Variants in NMNAT2 observed in about 807,000 individuals in gnomAD.
The protein encoded by NMNAT2 is nicotinamide nucleotide adenylyltransferase 2, also known as nicotinamide/nicotinic acid mononucleotide adenylyltransferase 2.
A neutral mutation model predicts 41.6 loss-of-function variants in NMNAT2; 11 were observed. That is an observed-to-expected ratio of 0.26 (90% CI 0.17 to 0.44). NMNAT2 has a LOEUF of 0.44. NMNAT2 is among the 20% of genes least tolerant of loss of function. The pLI, the probability that NMNAT2 is intolerant of heterozygous loss-of-function variation, is 1.00. For missense variants in NMNAT2, 288 were observed against 407.7 expected (o/e 0.71, Z 2.53); for synonymous variants, 148 against 151.2 (o/e 0.98, Z 0.16).
intron 1 of NMNAT2, among the ~76,000 whole-genome samples, chr1:183,354,610 T>A (rs896694282): frequency 6.6e-6 from 1 of 151,962 alleles, no homozygotes; most frequent in Admixed American, 6.6e-5. Context: ...AGAGACAGGG[T>A]CTCACCATGT....
At chr1:183,416,031 G>A (rs773937787) in intron 1 of NMNAT2, among the ~76,000 whole-genome samples, 16 of 152,094 alleles carry the variant, frequency 1.1e-4, no homozygotes, top group Non-Finnish European at 1.6e-4. Context: ...AATCGTTACT[G>A]CCAAAAGTCT....
At chr1:183,329,904 G>C (rs2102337775) in intron 1 of NMNAT2, among the ~76,000 whole-genome samples, 1 of 152,328 alleles carries the variant, frequency 6.6e-6, no homozygotes, top group South Asian at 2.1e-4. Flanking sequence ...CACCCAGCCA[G>C]ATAGCGGCAC....
intron 1 of NMNAT2, among the ~76,000 whole-genome samples, chr1:183,313,388 G>A (rs186954823): frequency 6.6e-6 from 1 of 152,066 alleles, no homozygotes; most frequent in East Asian, 1.9e-4. Context: ...TGGATAACTG[G>A]GTATTTGGTT....
At chr1:183,400,232 C>T (rs375591388) in intron 1 of NMNAT2, among the ~76,000 whole-genome samples, 1 of 152,082 alleles carries the variant, frequency 6.6e-6, no homozygotes, top group Admixed American at 6.6e-5. Context: ...ATACAAAATC[C>T]ATGTGCAAAA....
At chr1:183,343,482 G>A (rs1047868454) in intron 1 of NMNAT2, among the ~76,000 whole-genome samples, 1 of 152,102 alleles carries the variant, frequency 6.6e-6, no homozygotes, top group Non-Finnish European at 1.5e-5. Flanking sequence ...CAACTTTTAA[G>A]TTCTATGTTT....
At chr1:183,276,585 T>G (rs138826766) in intron 8 of NMNAT2, among the ~76,000 whole-genome samples, 1 of 152,178 alleles carries the variant, frequency 6.6e-6, no homozygotes, top group Non-Finnish European at 1.5e-5. Context: ...TCCTCACCCA[T>G]CACACTTAGT....
At position 183,364,740 on chromosome 1, in the gene NMNAT2, A is replaced by G. The variant is rs535362591; in HGVS notation, c.85+53443T>C. ...GGAGTCTCACACCGTCTCCCAGGCT[A>G]GAGTGCAGTGGCACGATCTTGGCTC... On this transcript the variant is annotated intron_variant, in intron 1 of 10. Coordinates refer to ENST00000287713, the MANE Select transcript of NMNAT2 (RefSeq NM_015039.4). Among the ~76,000 whole-genome samples, 59 of 134,236 alleles carry G rather than the reference A, an allele frequency of 4.4e-4. 2 individuals carry two copies. In the East Asian group the frequency reaches 0.013, roughly 29 times the overall value. 88.1% of individuals were successfully genotyped at this position (134,236 alleles called of 152,430 possible).
rs542073635 is a variant in NMNAT2 at position 183,343,816 on chromosome 1, C to T, written c.86-50023G>A. Among the ~76,000 whole-genome samples the T allele has an allele frequency of 7.9e-5, 12 of 152,258 alleles. 1 individual carries two copies. The highest frequency in any genetic ancestry group is 4.2e-4 in the South Asian group (2 of 4,816). On this transcript the variant is annotated intron_variant, in intron 1 of 10. Transcript: ENST00000287713. ...AATATTCCAGTGACTCCACAACTTA[C>T]GGTACAAAAGCTGAGCTCCTTGGCA...
At position 183,249,406 on chromosome 1, in the gene NMNAT2, CA is replaced by C. The variant is rs1660313862; in HGVS notation, c.*3234del. 6.6e-6 allele frequency: 1 copy of C among 152,072 alleles called. No homozygotes were observed. Among genetic ancestry groups the C allele is most frequent in the Admixed American group, 6.6e-5 (1 of 15,262 alleles). The allele number at this position is 152,072 out of a possible 1,614,324, so 9.4% of individuals were successfully genotyped here. A position where few individuals can be genotyped will look rare whatever the true frequency, so the allele number is the denominator to read the frequency against. ...GGGAGAGACATTTTTTGCTGGTGAA[CA>C]GGAAACAAAGCTCCAGACCCCTCTG... On this transcript the variant is annotated 3_prime_UTR_variant, in exon 11 of 11. Coordinates refer to ENST00000287713, the MANE Select transcript of NMNAT2 (RefSeq NM_015039.4).
chr1:183,345,774 C>T (rs1205089896), intron 1 of NMNAT2, among the ~76,000 whole-genome samples: 1 of 151,954 alleles, frequency 6.6e-6, no homozygotes, highest in Non-Finnish European at 1.5e-5. Context: ...GCAAGCTCCG[C>T]CTCCCGGGTT....
intron 1 of NMNAT2, among the ~76,000 whole-genome samples, chr1:183,368,639 A>G (rs965957474): frequency 6.6e-6 from 1 of 151,830 alleles, no homozygotes; most frequent in African/African-American, 2.4e-5. Flanking sequence ...CCTGATCTCA[A>G]CTCTAAGCAC....
rs1257169110 is a variant in NMNAT2 at position 183,252,674 on chromosome 1, G to A, written c.891C>T (p.Leu297=). Residue 297 remains leucine, a synonymous_variant, in exon 11 of 11, where the codon CTC becomes CTT. Transcript: ENST00000287713. ...AGGCATTGATGTACAGCTGGCTTTT[G>A]AGGATGTAGTCGATGACCGGCTGGG... ...YLSQPVIDYI[L]KSQLYINASG 1 of 1,614,132 alleles carries A rather than the reference G, an allele frequency of 6.2e-7. No individual in the cohort carries two copies. Among genetic ancestry groups the A allele is most frequent in the East Asian group, 2.2e-5 (1 of 44,886 alleles).
intron 1 of NMNAT2, among the ~76,000 whole-genome samples, chr1:183,294,843 T>C (rs537952008): frequency 1.3e-5 from 2 of 152,190 alleles, no homozygotes; most frequent in Non-Finnish European, 2.9e-5. Flanking sequence ...CTTATTCCAC[T>C]GAGGAAAAAT....
chr1:183,276,599 T>C (rs1352045300), intron 8 of NMNAT2, among the ~76,000 whole-genome samples: 1 of 152,108 alleles, frequency 6.6e-6, no homozygotes, highest in East Asian at 1.9e-4. Context: ...ACTTAGTAAA[T>C]AGCCCCCAGG....
chr1:183,358,290 G>A (rs1016430294), intron 1 of NMNAT2, among the ~76,000 whole-genome samples: 1 of 152,172 alleles, frequency 6.6e-6, no homozygotes, highest in African/African-American at 2.4e-5. Flanking sequence ...TGGGAGGTGA[G>A]AGAGGATCAG....
At position 183,252,222 on chromosome 1, in the gene NMNAT2, C is replaced by A. The variant is rs199749453; in HGVS notation, c.*419G>T. On this transcript the variant is annotated 3_prime_UTR_variant, in exon 11 of 11. Coordinates refer to ENST00000287713, the MANE Select transcript of NMNAT2 (RefSeq NM_015039.4). ...CATGCTGGGAAGGCAAGAGCCAGAG[C>A]CGCCTCCCCAGAGCATGCTGGGAGG... The A allele has an allele frequency of 5.9e-6, 1 of 170,626 alleles. No individual in the cohort carries two copies. Among genetic ancestry groups the A allele is most frequent in the Non-Finnish European group, 1.2e-5 (1 of 80,366 alleles). 10.6% of individuals were successfully genotyped at this position (170,626 alleles called of 1,614,324 possible).
At position 183,252,729 on chromosome 1, in the gene NMNAT2, T is replaced by A. The variant is rs779703882; in HGVS notation, c.836A>T (p.His279Leu). ...SSTKSRLALQHGDGHVVDYLS... is the reference protein window; with the variant it reads ...SSTKSRLALQLGDGHVVDYLS... ...GTAATCCACAACATGGCCGTCCCCA[T>A]GCTGCAGGGCCAGCCTGCACAAGAA... is the stretch of plus-strand genomic sequence containing the variant. The change falls in exon 11 of 11, where the codon CAT (histidine) becomes CTT (leucine). Residue 279 changes from histidine (H) to leucine (L), a missense_variant. Physicochemically the swap from His to Leu is moderately conservative, Grantham distance 99 (BLOSUM62 -3). Coordinates refer to ENST00000287713, the MANE Select transcript of NMNAT2 (RefSeq NM_015039.4). The A allele has an allele frequency of 6.2e-7, 1 of 1,613,886 alleles. No individual in the cohort carries two copies. The highest frequency in any genetic ancestry group is 8.5e-7 in the Non-Finnish European group (1 of 1,179,802).
At chr1:183,268,863 G>A (rs557856794) in intron 8 of NMNAT2, among the ~76,000 whole-genome samples, 53 of 152,256 alleles carry the variant, frequency 3.5e-4, no homozygotes, top group Admixed American at 2.2e-3. Context: ...GCAACATGGT[G>A]GTAAGACCTC....
At chr1:183,331,781 T>C (rs1322893040) in intron 1 of NMNAT2, among the ~76,000 whole-genome samples, 2 of 152,128 alleles carry the variant, frequency 1.3e-5, no homozygotes, top group Non-Finnish European at 2.9e-5. Flanking sequence ...GTGCATAGTT[T>C]TTTATTTTCA....
Sources: allele counts gnomAD v4.1 joint callset (sites outside exome capture counted in the v4.1 genomes callset), GRCh38; gene constraint gnomAD v4.1.1; transcripts MANE v1.5; gene names NCBI Gene and HGNC (gene_info 2026-07-23, HGNC 2026-07-21).